Variants in GPR158 observed in about 807,000 individuals in gnomAD.
The protein encoded by GPR158 is metabotropic glycine receptor.
In GPR158, 30 loss-of-function variants were observed where a neutral mutation model predicts 78.2. That is an observed-to-expected ratio of 0.38 (90% CI 0.29 to 0.52). The LOEUF is 0.52. Among genes scored for constraint, GPR158 ranks in the 20% least tolerant of loss-of-function variants. The pLI, the probability that GPR158 is intolerant of heterozygous loss-of-function variation, is 0.83. For missense variants in GPR158, 1,463 were observed against 1,523.5 expected, an observed-to-expected ratio of 0.96 and a Z score of 0.66; for synonymous variants, 581 against 591.1, an observed-to-expected ratio of 0.98 and a Z score of 0.25.
intron 4 of GPR158, among the ~76,000 whole-genome samples, chr10:25,430,047 A>G (rs1336359449): frequency 1.2e-4 from 18 of 146,658 alleles, no homozygotes; most frequent in Non-Finnish European, 2.4e-4. Context: ...AGGGTATTCA[A>G]TTAGGAAAAG....
At chr10:25,241,181 CTTTCTTTCCTTTCT>C (rs1853608035) in intron 2 of GPR158, among the ~76,000 whole-genome samples, 11 of 75,732 alleles carry the variant, frequency 1.5e-4, no homozygotes, top group Admixed American at 1.4e-3. Context: ...TTCTTTCTTT[CTTTCTTTCCTTTCT>C]TTCTTTCCTT....
chr10:25,585,149 A>T lies in GPR158; in HGVS notation c.1754-3858A>T, dbSNP rs551152183. Among the ~76,000 whole-genome samples the T allele has an allele frequency of 1.2e-3, 178 of 152,356 alleles. 2 individuals are homozygous for T. The highest frequency in any genetic ancestry group is 4.0e-3 in the African/African-American group (168 of 41,578). On this transcript the variant is annotated intron_variant, in intron 7 of 10. Transcript: ENST00000376351. Reference sequence around the variant, plus strand: ...TTCTGTTTGTATGCCTGGAACCCTTATGCAAGCAAATAGAAACTAAAGGCT... The same window carrying T: ...TTCTGTTTGTATGCCTGGAACCCTTTTGCAAGCAAATAGAAACTAAAGGCT...
At chr10:25,555,770 G>C (rs1385956161) in intron 6 of GPR158, among the ~76,000 whole-genome samples, 1 of 144,080 alleles carries the variant, frequency 6.9e-6, no homozygotes. Flanking sequence ...CTTTTTTTTT[G>C]TACTATGTTT....
At position 25,598,494 on chromosome 10, in the gene GPR158, T is replaced by A; in HGVS notation, c.2868T>A (p.Pro956=). 1 of 1,614,022 alleles carries A rather than the reference T, an allele frequency of 6.2e-7. No individual in the cohort carries two copies. The highest frequency in any genetic ancestry group is 1.1e-5 in the South Asian group (1 of 91,070). The change falls in exon 11 of 11, where the codon CCT becomes CCA. Residue 956 remains proline, a synonymous_variant. Coordinates refer to ENST00000376351, the MANE Select transcript of GPR158 (RefSeq NM_020752.3). ...SNSDNTETKD[P]APQNSNPAEE... is the part of the protein sequence containing the mutation. ...CTGATAACACAGAGACTAAAGATCC[T>A]GCCCCCCAAAACTCAAATCCTGCGG...
intron 2 of GPR158, among the ~76,000 whole-genome samples, chr10:25,359,048 G>C (rs998787510): frequency 1.3e-5 from 2 of 151,650 alleles, no homozygotes. Flanking sequence ...ATCCATTATT[G>C]AGAGGGGAGT....
chr10:25,314,347 C>T (rs1854814614), intron 2 of GPR158, among the ~76,000 whole-genome samples: 1 of 152,126 alleles, frequency 6.6e-6, no homozygotes, highest in African/African-American at 2.4e-5. Context: ...GATCTGCCCA[C>T]CTCGGCCTCC....
chr10:25,389,515 T>C (rs960498859), intron 2 of GPR158, among the ~76,000 whole-genome samples: 1 of 152,216 alleles, frequency 6.6e-6, no homozygotes, highest in Non-Finnish European at 1.5e-5. Flanking sequence ...TCCTCTGAGC[T>C]GTTCTATTGC....
At chr10:25,288,277 A>T (rs909867328) in intron 2 of GPR158, among the ~76,000 whole-genome samples, 3 of 152,118 alleles carry the variant, frequency 2.0e-5, no homozygotes. Flanking sequence ...TCACTTCCCA[A>T]ATAAAAGTAT....
chr10:25,564,555 C>T (rs1224170849), intron 6 of GPR158, among the ~76,000 whole-genome samples: 1 of 152,134 alleles, frequency 6.6e-6, no homozygotes, highest in African/African-American at 2.4e-5. Flanking sequence ...CAAAAGCAAG[C>T]CCTTTGAGTC....
At chr10:25,499,318 C>T (rs1003708261) in intron 5 of GPR158, among the ~76,000 whole-genome samples, 1 of 152,144 alleles carries the variant, frequency 6.6e-6, no homozygotes, top group Non-Finnish European at 1.5e-5. Flanking sequence ...AGCTCCATAC[C>T]CAGGGCTCCA....
chr10:25,323,278 A>G (rs1854982216), intron 2 of GPR158, among the ~76,000 whole-genome samples: 1 of 152,154 alleles, frequency 6.6e-6, no homozygotes, highest in African/African-American at 2.4e-5. Context: ...TCAATTTATT[A>G]TAATTCTTAA....
intron 5 of GPR158, among the ~76,000 whole-genome samples, chr10:25,506,913 C>T (rs879744122): frequency 8.5e-5 from 13 of 152,210 alleles, no homozygotes; most frequent in Non-Finnish European, 1.9e-4. Flanking sequence ...GGGTCAACCT[C>T]ACAAAGGAGT....
chr10:25,380,124 T>A (rs971513157), intron 2 of GPR158, among the ~76,000 whole-genome samples: 1 of 152,174 alleles, frequency 6.6e-6, no homozygotes, highest in East Asian at 1.9e-4. Flanking sequence ...GCACCTACTA[T>A]GTGTCATGCT....
At position 25,599,321 on chromosome 10, in the gene GPR158, G is replaced by A. The variant is rs552631646; in HGVS notation, c.*47G>A. On this transcript the variant is annotated 3_prime_UTR_variant, in exon 11 of 11. Transcript: ENST00000376351. Reference sequence around the variant, plus strand: ...AAGGAGGGAACCCCGGATTGGATATGAGACAGAAGATATAAGAATCAAATA... The same window carrying A: ...AAGGAGGGAACCCCGGATTGGATATAAGACAGAAGATATAAGAATCAAATA... The A allele has an allele frequency of 7.6e-7, 1 of 1,310,582 alleles. No homozygotes were observed. The highest frequency in any genetic ancestry group is 2.3e-5 in the East Asian group (1 of 43,170). The allele number at this position is 1,310,582 out of a possible 1,614,324, so 81.2% of individuals were successfully genotyped here.
At chr10:25,592,180 T>C (rs1304692713) in intron 8 of GPR158, among the ~76,000 whole-genome samples, 1 of 151,986 alleles carries the variant, frequency 6.6e-6, no homozygotes, top group Non-Finnish European at 1.5e-5. Flanking sequence ...AAATTATGTC[T>C]ATGTATGTAT....
chr10:25,437,918 T>G (rs1327121968), intron 4 of GPR158, among the ~76,000 whole-genome samples: 1 of 152,234 alleles, frequency 6.6e-6, no homozygotes, highest in Non-Finnish European at 1.5e-5. Flanking sequence ...TTATAAATTG[T>G]TAGCAAAAGG....
chr10:25,328,506 T>C (rs977993618), intron 2 of GPR158, among the ~76,000 whole-genome samples: 6 of 152,196 alleles, frequency 3.9e-5, no homozygotes, highest in African/African-American at 1.4e-4. Context: ...TTTGTTGGAA[T>C]GTTTCCTTAG....
chr10:25,288,768 C>T (rs1218673676), intron 2 of GPR158, among the ~76,000 whole-genome samples: 1 of 152,128 alleles, frequency 6.6e-6, no homozygotes, highest in Non-Finnish European at 1.5e-5. Context: ...TTAATGAGTA[C>T]ATTTGATTGT....
At chr10:25,552,543 T>G (rs1025801165) in intron 6 of GPR158, among the ~76,000 whole-genome samples, 4 of 152,198 alleles carry the variant, frequency 2.6e-5, no homozygotes, top group Non-Finnish European at 4.4e-5. Context: ...CCTTATAGTT[T>G]TCTTATTTGT....
Sources: gnomAD v4.1 joint callset for allele counts (sites outside exome capture counted in the v4.1 genomes callset) on GRCh38, gnomAD v4.1.1 for gene constraint, MANE v1.5 for transcripts, NCBI Gene and HGNC (gene_info 2026-07-23, HGNC 2026-07-21) for gene names.